Variants in PLCL2 observed in about 807,000 individuals in gnomAD.
PLCL2 encodes phospholipase C like 2, also known as inactive phospholipase C-like protein 2.
Under a neutral mutation model 79.6 loss-of-function variants are expected in PLCL2, and 4 were observed. The ratio of observed to expected loss-of-function variants is 0.05; its 90% CI spans 0.02 to 0.11. The LOEUF (loss-of-function observed/expected upper bound fraction) is 0.11. Ranked by LOEUF, PLCL2 falls within the 10% of genes least tolerant of loss-of-function variation. The pLI is 1.00. For synonymous variants in PLCL2, 484 were observed against 457.7 expected (o/e 1.06, Z -0.73); for missense variants, 895 against 1,291.0 (o/e 0.69, Z 4.70).
intron 1 of PLCL2, among the ~76,000 whole-genome samples, chr3:16,950,070 T>G (rs973819969): frequency 6.6e-6 from 1 of 152,204 alleles, no homozygotes; most frequent in African/African-American, 2.4e-5. Context: ...TTTTTCGATA[T>G]CTGGTAGGAC....
chr3:16,915,431 A>C (rs1329452636), intron 1 of PLCL2, among the ~76,000 whole-genome samples: 1 of 152,182 alleles, frequency 6.6e-6, no homozygotes, highest in East Asian at 1.9e-4. Context: ...ATTTACTGTT[A>C]GAATCTTTGA....
At chr3:17,014,082 G>A (rs1015793353) in intron 2 of PLCL2, among the ~76,000 whole-genome samples, 2 of 152,134 alleles carry the variant, frequency 1.3e-5, no homozygotes, top group African/African-American at 4.8e-5. Context: ...GTATTTAAAT[G>A]GCATATCTCT....
intron 1 of PLCL2, among the ~76,000 whole-genome samples, chr3:16,916,955 G>T (rs1049903046): frequency 1.3e-5 from 2 of 152,034 alleles, no homozygotes; most frequent in Non-Finnish European, 2.9e-5. Context: ...ACCTCCCCTT[G>T]CCTGTGTTCT....
intron 1 of PLCL2, among the ~76,000 whole-genome samples, chr3:16,926,409 G>C (rs913441657): frequency 1.3e-5 from 2 of 152,128 alleles, no homozygotes; most frequent in Non-Finnish European, 2.9e-5. Flanking sequence ...AGATGTTCCT[G>C]TATTAGAATG....
chr3:17,048,424 G>T (rs1214220288), intron 4 of PLCL2, among the ~76,000 whole-genome samples: 1 of 151,946 alleles, frequency 6.6e-6, no homozygotes, highest in Non-Finnish European at 1.5e-5. Flanking sequence ...TAAGAAAAAG[G>T]CCACAAATGC....
intron 4 of PLCL2, among the ~76,000 whole-genome samples, chr3:17,063,220 T>TCCTC (rs1386470009): frequency 2.0e-4 from 11 of 55,022 alleles, no homozygotes; most frequent in South Asian, 1.4e-3. Context: ...CTCTTTCTCT[T>TCCTC]CCTTCCTCCC....
At chr3:16,959,648 C>G (rs900504142) in intron 1 of PLCL2, among the ~76,000 whole-genome samples, 1 of 152,118 alleles carries the variant, frequency 6.6e-6, no homozygotes, top group Non-Finnish European at 1.5e-5. Flanking sequence ...AGAGTTCTCA[C>G]AAGCAGCAGA....
At chr3:16,948,740 C>T (rs983953602) in intron 1 of PLCL2, among the ~76,000 whole-genome samples, 1 of 152,090 alleles carries the variant, frequency 6.6e-6, no homozygotes, top group African/African-American at 2.4e-5. Context: ...AGAACAGATT[C>T]CTTATTCCAT....
intron 1 of PLCL2, among the ~76,000 whole-genome samples, chr3:17,006,139 C>T (rs1240466924): frequency 6.6e-6 from 1 of 152,184 alleles, no homozygotes; most frequent in African/African-American, 2.4e-5. Flanking sequence ...TTAGTTTAAA[C>T]TAACTTGCAT....
At chr3:16,993,872 A>G (rs2064127497) in intron 1 of PLCL2, among the ~76,000 whole-genome samples, 1 of 152,214 alleles carries the variant, frequency 6.6e-6, no homozygotes, top group Admixed American at 6.5e-5. Flanking sequence ...TCTATATAAA[A>G]TGGTATAGAG....
At chr3:16,924,106 G>C (rs1697189512) in intron 1 of PLCL2, among the ~76,000 whole-genome samples, 1 of 152,154 alleles carries the variant, frequency 6.6e-6, no homozygotes, top group African/African-American at 2.4e-5. Flanking sequence ...CATCCAATGT[G>C]TGGGTTTCCT....
chr3:16,893,941 A>G (rs1444319902), intron 1 of PLCL2, among the ~76,000 whole-genome samples: 2 of 152,136 alleles, frequency 1.3e-5, no homozygotes. Flanking sequence ...TAGCAGGTGT[A>G]TGCTCTTTAA....
At chr3:16,964,858 G>A (rs555548884) in intron 1 of PLCL2, among the ~76,000 whole-genome samples, 4 of 152,148 alleles carry the variant, frequency 2.6e-5, no homozygotes, top group Admixed American at 2.0e-4. Context: ...CCCACTTTTT[G>A]ATAGGGTTGT....
At chr3:16,889,127 T>C (rs1045610655) in intron 1 of PLCL2, among the ~76,000 whole-genome samples, 1 of 152,204 alleles carries the variant, frequency 6.6e-6, no homozygotes, top group African/African-American at 2.4e-5. Context: ...CCAACACTTA[T>C]TAAACACTCA....
chr3:17,027,909 G>A (rs560892080), intron 3 of PLCL2, among the ~76,000 whole-genome samples: 7 of 152,324 alleles, frequency 4.6e-5, no homozygotes, highest in African/African-American at 7.2e-5. Flanking sequence ...AATAGCGCCC[G>A]TGAGGCAAGC....
chr3:17,007,300 A>G (rs2064271756), intron 1 of PLCL2, among the ~76,000 whole-genome samples: 2 of 152,212 alleles, frequency 1.3e-5, no homozygotes, highest in South Asian at 4.1e-4. Flanking sequence ...GGGAAAAAAA[A>G]ACTAAAGACG....
At chr3:17,005,165 G>A (rs1376957656) in intron 1 of PLCL2, among the ~76,000 whole-genome samples, 1 of 152,080 alleles carries the variant, frequency 6.6e-6, no homozygotes, top group Non-Finnish European at 1.5e-5. Flanking sequence ...TCTTTCAAGT[G>A]GAAGTCTTTC....
At chr3:17,063,401 G>T (rs1258948743) in intron 4 of PLCL2, among the ~76,000 whole-genome samples, 1 of 145,774 alleles carries the variant, frequency 6.9e-6, no homozygotes, top group African/African-American at 2.6e-5. Flanking sequence ...TACTGAACAT[G>T]GACTTCGCAT....
At chr3:16,992,920 T>C (rs2064118800) in intron 1 of PLCL2, among the ~76,000 whole-genome samples, 2 of 152,208 alleles carry the variant, frequency 1.3e-5, no homozygotes, top group South Asian at 4.1e-4. Flanking sequence ...TAAGCCAGAC[T>C]TCACAAGCAG....
Sources: gnomAD v4.1 joint callset for allele counts (sites outside exome capture counted in the v4.1 genomes callset) on GRCh38, gnomAD v4.1.1 for gene constraint, MANE v1.5 for transcripts, NCBI Gene and HGNC (gene_info 2026-07-23, HGNC 2026-07-21) for gene names.